Variants in C10orf90 observed in about 807,000 individuals in gnomAD.
The protein encoded by C10orf90 is chromosome 10 open reading frame 90, also known as (E2-independent) E3 ubiquitin-conjugating enzyme FATS.
C10orf90 carries 56 observed loss-of-function variants against 62.5 expected under a neutral mutation model. That is an observed-to-expected ratio of 0.90 (90% confidence interval 0.72 to 1.12). C10orf90 has a LOEUF of 1.12. Ranked by LOEUF, C10orf90 falls within the 50% of genes most tolerant of loss-of-function variation. C10orf90 has a pLI of 0.00. For missense variants in C10orf90, 970 were observed against 880.4 expected (o/e 1.10, Z -1.29); for synonymous variants, 386 against 340.4 (o/e 1.13, Z -1.47).
At chr10:126,490,802 T>A (rs1368861825) in intron 4 of C10orf90, among the ~76,000 whole-genome samples, 1 of 152,036 alleles carries the variant, frequency 6.6e-6, no homozygotes, top group Non-Finnish European at 1.5e-5. Context: ...TTCCCTCCCA[T>A]CACTTCTACT....
chr10:126,460,190 G>A (rs1014808403), intron 6 of C10orf90, among the ~76,000 whole-genome samples: 4 of 152,158 alleles, frequency 2.6e-5, no homozygotes, highest in Non-Finnish European at 5.9e-5. Context: ...CTGTTGAAAT[G>A]CCCTGTTGAG....
rs970065511 is a variant in C10orf90, at chr10:126,512,815, G to A, written c.405+1033C>T. Among the ~76,000 whole-genome samples, 7 of 152,284 alleles carry A rather than the reference G, an allele frequency of 4.6e-5. No homozygotes were observed. In the East Asian group the frequency reaches 1.4e-3, roughly 29 times the overall value. ...TGAGCTTGGTGCTTTCACATAGAAA[G>A]GAATTTAAATATTGATGAGTAAATC... On this transcript the variant is annotated intron_variant, in intron 3 of 9. Coordinates refer to ENST00000488181, the MANE Select transcript of C10orf90 (RefSeq NM_001350921.2).
intron 2 of C10orf90, among the ~76,000 whole-genome samples, chr10:126,582,782 C>A (rs769525928): frequency 1.3e-5 from 2 of 152,168 alleles, no homozygotes; most frequent in Non-Finnish European, 2.9e-5. Flanking sequence ...CATGTTACCT[C>A]CAATAATCTC....
At chr10:126,454,369 A>G (rs1273679355) in intron 7 of C10orf90, among the ~76,000 whole-genome samples, 1 of 151,778 alleles carries the variant, frequency 6.6e-6, no homozygotes, top group African/African-American at 2.4e-5. Context: ...TGAACCCCCT[A>G]TTGCCTGCAG....
intron 1 of C10orf90, among the ~76,000 whole-genome samples, chr10:126,665,050 C>T (rs1846598183): frequency 6.6e-6 from 1 of 152,188 alleles, no homozygotes; most frequent in Non-Finnish European, 1.5e-5. Flanking sequence ...GGAGGAGCCC[C>T]AGCACCCACC....
chr10:126,589,636 C>T (rs1160295460), intron 2 of C10orf90, among the ~76,000 whole-genome samples: 15 of 152,142 alleles, frequency 9.9e-5, no homozygotes, highest in Non-Finnish European at 4.4e-5. Context: ...AAATAAGATA[C>T]TTTTCAGACA....
chr10:126,533,250 A>T (rs1367444562), intron 2 of C10orf90, among the ~76,000 whole-genome samples: 1 of 152,078 alleles, frequency 6.6e-6, no homozygotes, highest in Non-Finnish European at 1.5e-5. Context: ...TGTATTATCA[A>T]GCCTCACATC....
chr10:126,507,816 C>A (rs1485690249), intron 3 of C10orf90, among the ~76,000 whole-genome samples: 1 of 152,158 alleles, frequency 6.6e-6, no homozygotes, highest in African/African-American at 2.4e-5. Context: ...CAGCCTGTAG[C>A]CCCAACATTT....
At chr10:126,616,020 A>T (rs985496828) in intron 2 of C10orf90, among the ~76,000 whole-genome samples, 1 of 152,214 alleles carries the variant, frequency 6.6e-6, no homozygotes, top group African/African-American at 2.4e-5. Context: ...TGCAATGGCT[A>T]GAAGTGGAGC....
At chr10:126,581,392 C>A (rs776408948) in intron 2 of C10orf90, among the ~76,000 whole-genome samples, 8 of 152,240 alleles carry the variant, frequency 5.3e-5, no homozygotes, top group East Asian at 1.9e-4. Context: ...CAGGAGAGAG[C>A]GGTTTGAGAA....
intron 2 of C10orf90, among the ~76,000 whole-genome samples, chr10:126,618,972 T>C (rs1319752393): frequency 6.6e-6 from 1 of 152,002 alleles, no homozygotes; most frequent in Non-Finnish European, 1.5e-5. Flanking sequence ...GTGGTACATA[T>C]ACACCATGGA....
intron 2 of C10orf90, among the ~76,000 whole-genome samples, chr10:126,565,012 T>TTATATATAATATATAA (rs1844297599): frequency 9.8e-5 from 1 of 10,248 alleles, no homozygotes; most frequent in African/African-American, 3.1e-4. Context: ...ATAATATATA[T>TTATATATAATATATAA]AATATATATT....
intron 4 of C10orf90, among the ~76,000 whole-genome samples, chr10:126,466,208 T>C (rs952959616): frequency 6.6e-6 from 1 of 152,142 alleles, no homozygotes; most frequent in Non-Finnish European, 1.5e-5. Context: ...TCCTGTGTGT[T>C]GGGACAGAAA....
intron 2 of C10orf90, among the ~76,000 whole-genome samples, chr10:126,549,844 T>C (rs923338206): frequency 2.7e-5 from 4 of 150,450 alleles, no homozygotes; most frequent in African/African-American, 4.9e-5. Context: ...TCAACAAAAA[T>C]AGACTAGTTA....
chr10:126,597,200 A>G (rs1045271999), intron 2 of C10orf90, among the ~76,000 whole-genome samples: 2 of 152,258 alleles, frequency 1.3e-5, no homozygotes, highest in African/African-American at 4.8e-5. Flanking sequence ...CCACTCCTAC[A>G]GATTTCTACC....
chr10:126,598,127 C>T (rs1243374391), intron 2 of C10orf90, among the ~76,000 whole-genome samples: 2 of 152,146 alleles, frequency 1.3e-5, no homozygotes, highest in Non-Finnish European at 2.9e-5. Flanking sequence ...TAACATGACC[C>T]ACCCTTCTGC....
At chr10:126,657,580 C>T (rs1052396752) in intron 1 of C10orf90, among the ~76,000 whole-genome samples, 5 of 150,966 alleles carry the variant, frequency 3.3e-5, no homozygotes, top group Admixed American at 3.3e-4. Context: ...CTTTTGATAT[C>T]ACCATCTTGA....
In C10orf90 at chr10:126,512,649, C is replaced by G. The variant is rs999773095; in HGVS notation, c.405+1199G>C. ...CTTCCCTGACTCAATCTCTCTCCTC[C>G]TAACTGGCATCTCCACCCAAGGACA... On this transcript the variant is annotated intron_variant, in intron 3 of 9. Coordinates refer to ENST00000488181, the MANE Select transcript of C10orf90 (RefSeq NM_001350921.2). Among the ~76,000 whole-genome samples, 5 of 152,224 alleles carry G rather than the reference C, an allele frequency of 3.3e-5. No individual in the cohort carries two copies. In the East Asian group the frequency reaches 9.7e-4, roughly 29 times the overall value.
rs373683104 is a variant in C10orf90 at position 126,429,832 on chromosome 10, T to C, written c.2207A>G (p.Lys736Arg). ...CTCCTTCTCTGAAATGCACCGTTCTTTGGGTTTGAACAAGTTATCTGGAAA... is the reference window on the plus strand; with the variant it reads ...CTCCTTCTCTGAAATGCACCGTTCTCTGGGTTTGAACAAGTTATCTGGAAA... ...HPLSDNLFKP[K>R]ERCISEKEMH... Residue 736 changes from lysine to arginine, a missense_variant, in exon 8 of 10, where the codon AAA becomes AGA. Coordinates refer to ENST00000488181, the MANE Select transcript of C10orf90 (RefSeq NM_001350921.2). 6.2e-7 allele frequency: 1 copy of C among 1,614,038 alleles called. No individual in the cohort carries two copies.
Sources: gnomAD v4.1 joint callset for allele counts (sites outside exome capture counted in the v4.1 genomes callset) on GRCh38, gnomAD v4.1.1 for gene constraint, MANE v1.5 for transcripts, NCBI Gene and HGNC (gene_info 2026-07-23, HGNC 2026-07-21) for gene names.